GPRIN3: variants seen among roughly 807,000 people sequenced by gnomAD.
GPRIN3 encodes the protein GPRIN family member 3, also known as G protein-regulated inducer of neurite outgrowth 3.
Under a neutral mutation model 13.7 loss-of-function variants are expected in GPRIN3, and 12 were observed. That is an observed-to-expected ratio of 0.87 (90% CI 0.56 to 1.42). GPRIN3 has a LOEUF of 1.42. GPRIN3 is among the 40% of genes most tolerant of loss of function. GPRIN3 has a pLI of 0.00. For missense variants in GPRIN3, 1,009 were observed against 958.7 expected (o/e 1.05, Z -0.69); for synonymous variants, 377 against 372.7 (o/e 1.01, Z -0.13).
chr4:89,267,152 A>C (rs2149268388), intron 1 of GPRIN3, among the ~76,000 whole-genome samples: 1 of 152,350 alleles, frequency 6.6e-6, no homozygotes, highest in Admixed American at 6.5e-5. Flanking sequence ...AAGAAGGGTA[A>C]CACTGGGAAA....
intron 1 of GPRIN3, among the ~76,000 whole-genome samples, chr4:89,296,741 G>A (rs1387963091): frequency 6.6e-6 from 1 of 152,168 alleles, no homozygotes; most frequent in Non-Finnish European, 1.5e-5. Context: ...GAGAAACAAA[G>A]AAATGTTATT....
intron 1 of GPRIN3, among the ~76,000 whole-genome samples, chr4:89,290,541 A>G (rs1473428099): frequency 6.6e-6 from 1 of 152,122 alleles, no homozygotes; most frequent in Non-Finnish European, 1.5e-5. Flanking sequence ...CATACTCTCC[A>G]CAAAATAACC....
intron 1 of GPRIN3, among the ~76,000 whole-genome samples, chr4:89,252,729 T>C (rs1723362078): frequency 6.6e-6 from 1 of 152,218 alleles, no homozygotes; most frequent in Admixed American, 6.5e-5. Flanking sequence ...ATGAATAGGT[T>C]GAATATTTTC....
chr4:89,277,188 A>C (rs1578099122), intron 1 of GPRIN3, among the ~76,000 whole-genome samples: 1 of 152,062 alleles, frequency 6.6e-6, no homozygotes, highest in Admixed American at 6.6e-5. Context: ...CTGGCTTCTC[A>C]AAATAGTTTA....
chr4:89,283,640 A>C (rs1252289231), intron 1 of GPRIN3, among the ~76,000 whole-genome samples: 1 of 152,138 alleles, frequency 6.6e-6, no homozygotes, highest in African/African-American at 2.4e-5. Context: ...ATGAGTGCAC[A>C]ATGCTGGCAT....
rs116244206 is a variant in GPRIN3, at chr4:89,267,185, C to A, written c.-123-16952G>T. On this transcript the variant is annotated intron_variant, in intron 1 of 1. Coordinates refer to ENST00000609438, the MANE Select transcript of GPRIN3 (RefSeq NM_198281.3). ...AAAACAAGATTCCTACCAAGTCGAACCCCATAGCCAAGAGGTTTCCCATTT... is the reference window on the plus strand; with the variant it reads ...AAAACAAGATTCCTACCAAGTCGAAACCCATAGCCAAGAGGTTTCCCATTT... 9.1e-3 allele frequency among the ~76,000 whole-genome samples: 1,379 copies of A among 152,278 alleles called. 11 individuals carry two copies. Among genetic ancestry groups the A allele is most frequent in the African/African-American group, 0.029 (1,210 of 41,552 alleles).
intron 1 of GPRIN3, among the ~76,000 whole-genome samples, chr4:89,303,827 G>A (rs1724965963): frequency 6.7e-6 from 1 of 150,116 alleles, no homozygotes; most frequent in South Asian, 2.1e-4. Flanking sequence ...AAATATGTAT[G>A]TATGTATCTT....
intron 1 of GPRIN3, among the ~76,000 whole-genome samples, chr4:89,260,838 C>A (rs1188224746): frequency 2.0e-5 from 3 of 152,128 alleles, no homozygotes; most frequent in African/African-American, 7.2e-5. Context: ...TCCCTTAAAT[C>A]ACACAAAGAC....
At chr4:89,262,532 G>C (rs1457030151) in intron 1 of GPRIN3, among the ~76,000 whole-genome samples, 2 of 152,220 alleles carry the variant, frequency 1.3e-5, no homozygotes, top group Non-Finnish European at 2.9e-5. Flanking sequence ...GTTTCTGTCA[G>C]TGATGATGGA....
Position 89,244,184 on chromosome 4 carries a change from C to T in GPRIN3, c.*3596G>A, listed in dbSNP as rs966119990. On this transcript the variant is annotated 3_prime_UTR_variant, in exon 2 of 2. Coordinates refer to ENST00000609438, the MANE Select transcript of GPRIN3 (RefSeq NM_198281.3). ...CAATATGCTAGAATACAAACAAATG[C>T]TATTTTCCTCTTCTGCTTTCTACTT... The T allele has an allele frequency of 1.3e-5, 2 of 152,104 alleles. No homozygotes were observed. The highest frequency in any genetic ancestry group is 2.9e-5 in the Non-Finnish European group (2 of 67,994). The allele number at this position is 152,104 out of a possible 1,614,324, so 9.4% of individuals were successfully genotyped here. A position where few individuals can be genotyped will look rare whatever the true frequency, so the allele number is the denominator to read the frequency against.
At chr4:89,269,406 T>A (rs984046922) in intron 1 of GPRIN3, among the ~76,000 whole-genome samples, 1 of 152,134 alleles carries the variant, frequency 6.6e-6, no homozygotes, top group Non-Finnish European at 1.5e-5. Context: ...CAGAACTAGA[T>A]CTGTGTTACA....
chr4:89,306,907 G>C (rs576944911), intron 1 of GPRIN3, among the ~76,000 whole-genome samples: 20 of 152,134 alleles, frequency 1.3e-4, no homozygotes, highest in African/African-American at 4.6e-4. Flanking sequence ...CGTCTGAAAT[G>C]ATGCCTACAT....
intron 1 of GPRIN3, among the ~76,000 whole-genome samples, chr4:89,289,257 G>C (rs1724506792): frequency 6.6e-6 from 1 of 151,216 alleles, no homozygotes; most frequent in Non-Finnish European, 1.5e-5. Context: ...CCAGATATCT[G>C]ACCTGCATAT....
At chr4:89,284,392 A>G (rs1724342205) in intron 1 of GPRIN3, among the ~76,000 whole-genome samples, 1 of 152,214 alleles carries the variant, frequency 6.6e-6, no homozygotes, top group East Asian at 1.9e-4. Context: ...TCAGGTTCAC[A>G]TCTGGTTGGC....
chr4:89,291,250 C>T (rs560808421), intron 1 of GPRIN3, among the ~76,000 whole-genome samples: 6 of 152,120 alleles, frequency 3.9e-5, no homozygotes, highest in South Asian at 2.1e-4. Context: ...GTCTGAGTTT[C>T]GATAAATGCT....
chr4:89,272,462 C>A (rs1370715421), intron 1 of GPRIN3, among the ~76,000 whole-genome samples: 1 of 152,208 alleles, frequency 6.6e-6, no homozygotes, highest in African/African-American at 2.4e-5. Flanking sequence ...CTGCACTTAT[C>A]AGTTTAGAAC....
At chr4:89,251,406 C>T (rs1723321499) in intron 1 of GPRIN3, among the ~76,000 whole-genome samples, 1 of 152,130 alleles carries the variant, frequency 6.6e-6, no homozygotes, top group Non-Finnish European at 1.5e-5. Context: ...CTTATGGAGG[C>T]AGTTTAATTT....
At chr4:89,266,804 A>T (rs779621981) in intron 1 of GPRIN3, among the ~76,000 whole-genome samples, 15 of 152,186 alleles carry the variant, frequency 9.9e-5, no homozygotes, top group Non-Finnish European at 1.9e-4. Flanking sequence ...ATGATTAGTG[A>T]ATGATATAAA....
chr4:89,282,709 G>T (rs1159720706), intron 1 of GPRIN3, among the ~76,000 whole-genome samples: 1 of 151,354 alleles, frequency 6.6e-6, no homozygotes, highest in Admixed American at 6.6e-5. Context: ...CAACCCTGGT[G>T]TAGAATATTA....
Sources: gnomAD v4.1 joint callset for allele counts (sites outside exome capture counted in the v4.1 genomes callset) on GRCh38, gnomAD v4.1.1 for gene constraint, MANE v1.5 for transcripts, NCBI Gene and HGNC (gene_info 2026-07-23, HGNC 2026-07-21) for gene names.